Variants in ABL2 observed in about 807,000 individuals in gnomAD.
The protein encoded by ABL2 is ABL proto-oncogene 2, non-receptor tyrosine kinase, also known as tyrosine-protein kinase ABL2.
A neutral mutation model predicts 107.7 loss-of-function variants in ABL2; 49 were observed. That is an observed-to-expected ratio of 0.45 (90% confidence interval 0.36 to 0.58). ABL2 has a LOEUF of 0.58. ABL2 is among the 20% of genes least tolerant of loss of function. The pLI, the probability that ABL2 is intolerant of heterozygous loss-of-function variation, is 0.00. For missense variants in ABL2, 1,245 were observed against 1,457.0 expected, an observed-to-expected ratio of 0.85 and a Z score of 2.37; for synonymous variants, 549 against 548.6, an observed-to-expected ratio of 1.00 and a Z score of -0.01.
chr1:179,219,245 G>A (rs535541812), intron 1 of ABL2, among the ~76,000 whole-genome samples: 6 of 152,186 alleles, frequency 3.9e-5, no homozygotes, highest in South Asian at 2.1e-4. Context: ...GTTTCGCCAC[G>A]TTGCCTAGGC....
chr1:179,199,810 G>A (rs540515968), intron 1 of ABL2, among the ~76,000 whole-genome samples: 1 of 142,250 alleles, frequency 7.0e-6, no homozygotes, highest in African/African-American at 2.6e-5. Context: ...ATGGCTCACT[G>A]CAGCCTTGAA....
chr1:179,123,971 G>A (rs1314662940), intron 4 of ABL2, among the ~76,000 whole-genome samples: 1 of 152,048 alleles, frequency 6.6e-6, no homozygotes, highest in East Asian at 2.0e-4. Flanking sequence ...GTCGGGCGCA[G>A]TGGCTCACGC....
intron 1 of ABL2, among the ~76,000 whole-genome samples, chr1:179,197,391 C>T (rs1661378783): frequency 6.6e-6 from 1 of 151,810 alleles, no homozygotes; most frequent in Non-Finnish European, 1.5e-5. Flanking sequence ...AGCTAAAGAG[C>T]AAATCAAATA....
intron 1 of ABL2, 35 bp downstream of exon 1, chr1:179,229,206 C>CCCCCCCCCCCCCCCCCCCCCCCCCA: frequency 6.8e-7 from 1 of 1,480,762 alleles, no homozygotes; most frequent in Non-Finnish European, 9.0e-7. Flanking sequence ...CCCGGCCTCC[C>CCCCCCCCCCCCCCCCCCCCCCCCCA]CCACGCTCTC....
rs1197672040 is a variant in ABL2 at position 179,099,825 on chromosome 1, T to A, written c.*7893A>T. 4.3e-6 allele frequency: 1 copy of A among 232,120 alleles called. No individual in the cohort carries two copies. The highest frequency in any genetic ancestry group is 8.5e-6 in the Non-Finnish European group (1 of 117,408). 14.4% of individuals were successfully genotyped at this position (232,120 alleles called of 1,614,324 possible). ...CTGGGGTTTGTCCAGTGACAGTCAT[T>A]AGAGAATCAGACTGCAGAGAAGGAA... is the stretch of plus-strand genomic sequence containing the variant. On this transcript the variant is annotated 3_prime_UTR_variant, in exon 12 of 12. Coordinates refer to ENST00000502732, the MANE Select transcript of ABL2 (RefSeq NM_007314.4).
In ABL2 at chr1:179,126,266, A is replaced by G. The variant is rs755490749; in HGVS notation, c.687+111T>C. 1 of 1,272,772 alleles carries G rather than the reference A, an allele frequency of 7.9e-7. No individual in the cohort carries two copies. The highest frequency in any genetic ancestry group is 1.5e-5 in the African/African-American group (1 of 67,578). The allele number at this position is 1,272,772 out of a possible 1,614,324, so 78.8% of individuals were successfully genotyped here. On this transcript the variant is annotated intron_variant, in intron 4 of 11. Transcript: ENST00000502732. The surrounding 1 kb of genome is among the most constrained non-coding windows in gnomAD (Gnocchi z 4.4). ...AAGCCCAAACTCACAAAGCTAGTGA[A>G]TATTTTATTTCACGTCAGACATAAA...
intron 1 of ABL2, among the ~76,000 whole-genome samples, chr1:179,163,757 AAAAAG>A (rs1158873079): frequency 1.3e-5 from 2 of 152,168 alleles, no homozygotes; most frequent in African/African-American, 2.4e-5. Context: ...AAAAAAACAA[AAAAAG>A]AAAAGAAAAT....
intron 11 of ABL2, among the ~76,000 whole-genome samples, 177 bp downstream of exon 11, chr1:179,110,105 A>C (rs955461143): frequency 6.6e-6 from 1 of 152,214 alleles, no homozygotes; most frequent in Non-Finnish European, 1.5e-5. Flanking sequence ...ACGGAGATGA[A>C]ACTGGAGCCA....
intron 1 of ABL2, chr1:179,222,161 A>T (rs1036037233): frequency 3.8e-5 from 6 of 158,048 alleles, no homozygotes; most frequent in African/African-American, 1.2e-4. Flanking sequence ...AGAACAGGAT[A>T]CTCTGCGGAA....
intron 1 of ABL2, among the ~76,000 whole-genome samples, chr1:179,174,012 G>A (rs1443330956): frequency 2.0e-5 from 3 of 152,196 alleles, no homozygotes; most frequent in Admixed American, 6.5e-5. Context: ...GTTTCTGGCC[G>A]GGTGCGGTGG....
intron 1 of ABL2, among the ~76,000 whole-genome samples, chr1:179,227,548 G>C (rs1280831803): frequency 1.3e-5 from 2 of 152,184 alleles, no homozygotes; most frequent in Non-Finnish European, 2.9e-5. Context: ...AGATAGTAAA[G>C]CAAGAGGATC....
At chr1:179,180,456 T>C (rs981477619) in intron 1 of ABL2, among the ~76,000 whole-genome samples, 1 of 152,202 alleles carries the variant, frequency 6.6e-6, no homozygotes, top group African/African-American at 2.4e-5. Flanking sequence ...GTCCCATGTT[T>C]CACAGATACT....
Position 179,131,470 on chromosome 1 carries a change from G to C in ABL2, c.232C>G (p.Arg78Gly). 6.2e-7 allele frequency: 1 copy of C among 1,613,726 alleles called. No individual in the cohort carries two copies. The highest frequency in any genetic ancestry group is 1.7e-4 in the Middle Eastern group (1 of 6,060). The change falls in exon 3 of 12, where the codon CGT (arginine) becomes GGT (glycine). Residue 78 changes from arginine (R) to glycine (G), a missense_variant. Coordinates refer to ENST00000502732, the MANE Select transcript of ABL2 (RefSeq NM_007314.4). ...TGGSSPEALHRPYGCDVEPQA... is the reference protein window; with the variant it reads ...TGGSSPEALHGPYGCDVEPQA... Reference sequence around the variant, plus strand: ...GGTTCAACATCACAACCATAGGGACGATGCAAAGCTTCTGAAAGACATAAG... The same window carrying C: ...GGTTCAACATCACAACCATAGGGACCATGCAAAGCTTCTGAAAGACATAAG...
intron 1 of ABL2, among the ~76,000 whole-genome samples, chr1:179,186,946 A>C (rs118178741): frequency 0.026 from 3,903 of 152,212 alleles, 127 homozygotes; most frequent in Admixed American, 0.065. Flanking sequence ...CATGTTGGCC[A>C]GGCTGGTCTC....
At chr1:179,140,834 G>T (rs1657506662) in intron 1 of ABL2, among the ~76,000 whole-genome samples, 1 of 152,114 alleles carries the variant, frequency 6.6e-6, no homozygotes, top group South Asian at 2.1e-4. Context: ...AGGAGTTCAA[G>T]ACCAGCCTGG....
intron 1 of ABL2, among the ~76,000 whole-genome samples, chr1:179,134,738 G>A (rs12081014): frequency 0.016 from 2,407 of 147,140 alleles, 86 homozygotes; most frequent in African/African-American, 0.056. Flanking sequence ...CCCTCTCCAC[G>A]GTCGCCCTCT....
chr1:179,211,976 G>T (rs1662302178), intron 1 of ABL2, among the ~76,000 whole-genome samples: 1 of 152,136 alleles, frequency 6.6e-6, no homozygotes, highest in South Asian at 2.1e-4. Context: ...CTACTGTGAA[G>T]AAATACCAGA....
chr1:179,162,056 T>C (rs1184627218), intron 1 of ABL2, among the ~76,000 whole-genome samples: 1 of 152,202 alleles, frequency 6.6e-6, no homozygotes, highest in Non-Finnish European at 1.5e-5. Context: ...AATGAATTTC[T>C]GTTCATTATA....
chr1:179,132,164 C>A (rs1270532579), intron 2 of ABL2, among the ~76,000 whole-genome samples: 1 of 152,070 alleles, frequency 6.6e-6, no homozygotes, highest in Non-Finnish European at 1.5e-5. Flanking sequence ...ATTTTGTTTT[C>A]CTGAGCAGTG....
Sources: gnomAD v4.1 joint callset for allele counts (sites outside exome capture counted in the v4.1 genomes callset) on GRCh38, gnomAD v4.1.1 for gene constraint, Gnocchi (gnomAD v3.1) non-coding constraint, MANE v1.5 for transcripts, NCBI Gene and HGNC (gene_info 2026-07-23, HGNC 2026-07-21) for gene names.